DLEU7: variants seen among roughly 807,000 people sequenced by gnomAD.
DLEU7 encodes leukemia-associated protein 7.
In DLEU7, 17 loss-of-function variants were observed where a neutral mutation model predicts 16.0. The observed-to-expected ratio is 1.06, with a 90% CI of 0.73 to 1.59. DLEU7 has a LOEUF of 1.59. Ranked by LOEUF, DLEU7 falls within the 40% of genes most tolerant of loss-of-function variation. The pLI is 0.00. For missense variants in DLEU7, 308 were observed against 314.9 expected, an observed-to-expected ratio of 0.98 and a Z score of 0.17; for synonymous variants, 113 against 139.8, an observed-to-expected ratio of 0.81 and a Z score of 1.35.
intron 1 of DLEU7, among the ~76,000 whole-genome samples, chr13:50,814,579 T>C (rs1876666272): frequency 6.6e-6 from 1 of 150,820 alleles, no homozygotes; most frequent in Non-Finnish European, 1.5e-5. Flanking sequence ...AAAAAGAACA[T>C]AAAGAACCCA....
At chr13:50,795,665 A>T (rs1876091007) in intron 1 of DLEU7, among the ~76,000 whole-genome samples, 1 of 152,216 alleles carries the variant, frequency 6.6e-6, no homozygotes, top group African/African-American at 2.4e-5. Context: ...TGTATGTTAC[A>T]CATATTTGTG....
At chr13:50,784,574 G>A (rs767851267) in intron 1 of DLEU7, among the ~76,000 whole-genome samples, 4 of 152,222 alleles carry the variant, frequency 2.6e-5, no homozygotes, top group African/African-American at 9.6e-5. Context: ...CTCAGGAGAA[G>A]TGTTCAAGTG....
downstream of DLEU7, among the ~76,000 whole-genome samples, chr13:50,820,917 T>G (rs989143068): frequency 7.9e-5 from 12 of 152,150 alleles, no homozygotes; most frequent in African/African-American, 2.7e-4. Context: ...TATTTTAGAT[T>G]CTTTTTTTTT....
intron 1 of DLEU7, among the ~76,000 whole-genome samples, chr13:50,738,679 A>C (rs1194586493): frequency 1.3e-5 from 2 of 152,130 alleles, no homozygotes; most frequent in Non-Finnish European, 2.9e-5. Flanking sequence ...TCTTGCCTAC[A>C]ATGAGATCAT....
intron 1 of DLEU7, among the ~76,000 whole-genome samples, chr13:50,750,457 T>C (rs1874528802): frequency 6.6e-6 from 1 of 152,176 alleles, no homozygotes. Flanking sequence ...AATTTTTTTT[T>C]CTAATTCGGT....
Position 50,842,722 on chromosome 13 carries a change from A to T in DLEU7, c.459+466T>A, listed in dbSNP as rs138507395. Among the ~76,000 whole-genome samples the T allele has an allele frequency of 4.8e-3, 724 of 152,296 alleles. 21 individuals are homozygous for T. The highest frequency in any genetic ancestry group is 0.045 in the Admixed American group (695 of 15,296). On this transcript the variant is annotated intron_variant, in intron 1 of 1. Transcript: ENST00000504404. ...ATGCAAAAAATAATAGTGATTCATG[A>T]ATGTGAAGGAACTTTAAATAAATGT... is the stretch of plus-strand genomic sequence containing the variant.
chr13:50,734,405 G>T (rs183207177), intron 1 of DLEU7, among the ~76,000 whole-genome samples: 22 of 151,960 alleles, frequency 1.4e-4, no homozygotes, highest in Middle Eastern at 3.4e-3. Flanking sequence ...ACTCATATTG[G>T]CCCTCAAAAT....
rs180763160 is a variant in DLEU7, at chr13:50,767,119, T to A, written c.460-53879A>T. On this transcript the variant is annotated intron_variant, in intron 1 of 1. Transcript: ENST00000400393. ...TGTAAATGAGAACAACATCTATACA[T>A]TGAAGGCTGAAATGTTTATTTCTAG... Among the ~76,000 whole-genome samples the A allele has an allele frequency of 1.4e-3, 220 of 152,312 alleles. 1 individual carries two copies. Among genetic ancestry groups the A allele is most frequent in the Non-Finnish European group, 1.7e-3 (113 of 68,018 alleles).
intron 1 of DLEU7, among the ~76,000 whole-genome samples, chr13:50,750,418 G>A (rs1429849405): frequency 6.6e-6 from 1 of 152,034 alleles, no homozygotes; most frequent in African/African-American, 2.4e-5. Flanking sequence ...GGCTATGCGG[G>A]CTCTTTTTTG....
At chr13:50,735,784 C>T (rs9568459) in intron 1 of DLEU7, among the ~76,000 whole-genome samples, 4,076 of 152,078 alleles carry the variant, frequency 0.027, 246 homozygotes, top group East Asian at 0.21. Flanking sequence ...GTTAGAGAAA[C>T]GAAAATCAAA....
intron 1 of DLEU7, among the ~76,000 whole-genome samples, chr13:50,760,901 AG>A (rs1874909093): frequency 6.6e-6 from 1 of 152,182 alleles, no homozygotes; most frequent in South Asian, 2.1e-4. Context: ...TGGCAGTCAG[AG>A]TGGGGCCTAT....
intron 1 of DLEU7, among the ~76,000 whole-genome samples, chr13:50,744,310 A>G (rs952900031): frequency 6.6e-6 from 1 of 152,128 alleles, no homozygotes; most frequent in Admixed American, 6.5e-5. Flanking sequence ...GACTTTCTAC[A>G]GTTACTATCT....
At chr13:50,804,287 A>ACCC (rs1566256629) in intron 1 of DLEU7, among the ~76,000 whole-genome samples, 3 of 151,936 alleles carry the variant, frequency 2.0e-5, no homozygotes, top group Non-Finnish European at 2.9e-5. Context: ...TTAAATGTTT[A>ACCC]TATTTTTTTA....
intron 1 of DLEU7, among the ~76,000 whole-genome samples, chr13:50,840,677 C>T (rs1157562210): frequency 2.0e-5 from 3 of 151,808 alleles, no homozygotes; most frequent in Admixed American, 1.3e-4. Flanking sequence ...CCAAGAGGGT[C>T]AGCAAAGAGG....
intron 1 of DLEU7, among the ~76,000 whole-genome samples, chr13:50,734,640 A>G (rs1271274173): frequency 1.3e-5 from 2 of 152,168 alleles, no homozygotes; most frequent in African/African-American, 4.8e-5. Flanking sequence ...AATCTGAAGA[A>G]CAGAGAGAAA....
chr13:50,790,121 T>C (rs1320721563), intron 1 of DLEU7, among the ~76,000 whole-genome samples: 1 of 151,914 alleles, frequency 6.6e-6, no homozygotes, highest in Non-Finnish European at 1.5e-5. Context: ...TTAGTAGAGA[T>C]GGGATTTCAC....
intron 1 of DLEU7, among the ~76,000 whole-genome samples, chr13:50,760,534 G>A (rs564726152): frequency 6.6e-6 from 1 of 152,074 alleles, no homozygotes; most frequent in Non-Finnish European, 1.5e-5. Context: ...GCTAACTTTT[G>A]TATTTTTTGT....
intron 1 of DLEU7, among the ~76,000 whole-genome samples, chr13:50,814,717 A>G (rs1295657360): frequency 2.7e-5 from 4 of 148,210 alleles, no homozygotes; most frequent in Non-Finnish European, 6.0e-5. Flanking sequence ...TCGCATGAAA[A>G]CTGATGAAAA....
intron 1 of DLEU7, among the ~76,000 whole-genome samples, chr13:50,763,862 AG>A (rs569078401): frequency 1.9e-3 from 294 of 152,310 alleles, no homozygotes; most frequent in African/African-American, 6.7e-3. Context: ...AAACAACACT[AG>A]TATTTCCCAG....
Sources: allele counts gnomAD v4.1 joint callset (sites outside exome capture counted in the v4.1 genomes callset), GRCh38; gene constraint gnomAD v4.1.1; transcripts MANE v1.5; gene names NCBI Gene and HGNC (gene_info 2026-07-23, HGNC 2026-07-21).